Variants in SHROOM1 observed in about 807,000 individuals in gnomAD.
The protein encoded by SHROOM1 is protein Shroom1.
In SHROOM1, 53 loss-of-function variants were observed where a neutral mutation model predicts 64.2. The ratio of observed to expected loss-of-function variants is 0.83; its 90% confidence interval spans 0.66 to 1.04. The LOEUF (loss-of-function observed/expected upper bound fraction) is 1.04, where lower values mean the gene tolerates loss of function less well. Among genes scored for constraint, SHROOM1 ranks in the 50% least tolerant of loss-of-function variants. The pLI is 0.00. For synonymous variants in SHROOM1, 490 were observed against 518.9 expected (o/e 0.94, Z 0.76); for missense variants, 1,179 against 1,163.2 (o/e 1.01, Z -0.20).
In SHROOM1 at chr5:132,830,019, GA is replaced by G. The variant is rs1758801089; in HGVS notation, c.-501+574del. 3.7e-5 allele frequency: 36 copies of G among 985,278 alleles called. No homozygotes were observed. The highest frequency in any genetic ancestry group is 4.2e-5 in the Non-Finnish European group (35 of 829,914). The allele number at this position is 985,278 out of a possible 1,614,324, so 61.0% of individuals were successfully genotyped here. A position where few individuals can be genotyped will look rare whatever the true frequency, so the allele number is the denominator to read the frequency against. On this transcript the variant is annotated intron_variant, in intron 1 of 9. Coordinates refer to ENST00000378679, the MANE Select transcript of SHROOM1 (RefSeq NM_001172700.2). The surrounding 1 kb of genome is among the most constrained non-coding windows in gnomAD (Gnocchi z 5.9). ...GGAGAGGCGGCCGCGGGCGTGGACA[GA>G]CCCGGTTACCTGGGGTTCAATCTCT...
At chr5:132,829,975 G>A (rs1312432590) in intron 1 of SHROOM1, 1 of 985,488 alleles carries the variant, frequency 1.0e-6, no homozygotes, top group Non-Finnish European at 1.2e-6. Context: ...AGGAAATGCA[G>A]GAAGCTGGCG....
At chr5:132,829,592 T>TA (rs1758790916) in intron 1 of SHROOM1, 2 of 985,426 alleles carry the variant, frequency 2.0e-6, no homozygotes, top group African/African-American at 3.5e-5. Flanking sequence ...GATCAGGATT[T>TA]ACATCATACC....
In SHROOM1 at chr5:132,830,646, T is replaced by C. The variant is rs1227347701; in HGVS notation, c.-553A>G. The stretch of plus-strand genomic sequence containing the variant: ...GGGCCGTCGCAGCCGCGCGGTGACA[T>C]CAGAGCCCCGGGCTCTGACTCCGAC... On this transcript the variant is annotated 5_prime_UTR_variant, in exon 1 of 10. An upstream start codon of the reference 5' UTR is lost. Transcript: ENST00000378679. This position sits in a 1 kb window ranked among gnomAD's most constrained non-coding sequence, Gnocchi z 5.9. 1.0e-6 allele frequency: 1 copy of C among 984,430 alleles called. No individual in the cohort carries two copies. Among genetic ancestry groups the C allele is most frequent in the Non-Finnish European group, 1.2e-6 (1 of 829,796 alleles). The allele number at this position is 984,430 out of a possible 1,614,324, so 61.0% of individuals were successfully genotyped here.
Position 132,822,698 on chromosome 5 carries a change from C to G in SHROOM1, c.*98G>C. 7.3e-7 allele frequency: 1 copy of G among 1,367,636 alleles called. No homozygotes were observed. Among genetic ancestry groups the G allele is most frequent in the Non-Finnish European group, 9.8e-7 (1 of 1,016,418 alleles). The allele number at this position is 1,367,636 out of a possible 1,614,324, so 84.7% of individuals were successfully genotyped here. On this transcript the variant is annotated 3_prime_UTR_variant, in exon 10 of 10. Transcript: ENST00000378679. ...CTTAGAAAGGCCTGGACTGGGTCCT[C>G]CCCAATCCCTCAAGGGAAAAGCAGA...
Position 132,825,329 on chromosome 5 carries a change from T to C in SHROOM1, c.812A>G (p.His271Arg). ...CGTCTCGGGCAGCCATCCGACCTCG[T>C]GATCTTCAAACTTAGCCAGCGCCGG... Reference protein sequence around the residue: ...QHPALAKFEDHEVGWLPETQP... With the variant: ...QHPALAKFEDREVGWLPETQP... The change falls in exon 4 of 10, where the codon CAC becomes CGC. Residue 271 changes from histidine to arginine, a missense_variant. Transcript: ENST00000378679. This position sits in a 1 kb window ranked among gnomAD's most constrained non-coding sequence, Gnocchi z 5.1. The C allele has an allele frequency of 6.2e-7, 1 of 1,607,124 alleles. No homozygotes were observed. Among genetic ancestry groups the C allele is most frequent in the South Asian group, 1.1e-5 (1 of 90,886 alleles).
At position 132,825,270 on chromosome 5, in the gene SHROOM1, A is replaced by AGCTT. The variant is rs745337934; in HGVS notation, c.870_871insAAGC (p.Ser291LysfsTer7). ...CTGAAGGCATCACCGAGCTTCAAGG[A>AGCTT]CCCGGAGTCCAGGTTCATGGAGCCT... On this transcript the variant is annotated frameshift_variant, in exon 4 of 10. Transcript: ENST00000378679. LOFTEE classifies it high-confidence loss of function. This position sits in a 1 kb window ranked among gnomAD's most constrained non-coding sequence, Gnocchi z 5.1. 1.9e-6 allele frequency: 3 copies of AGCTT among 1,613,320 alleles called. No individual in the cohort carries two copies. Among genetic ancestry groups the AGCTT allele is most frequent in the East Asian group, 4.5e-5 (2 of 44,860 alleles).
At chr5:132,824,872 G>A in intron 5 of SHROOM1, 51 bp from the exon 6 acceptor site, 1 of 1,608,268 alleles carries the variant, frequency 6.2e-7, no homozygotes, top group Non-Finnish European at 8.5e-7. Flanking sequence ...GAAGCTCTTG[G>A]TGTTGCACCA....
chr5:132,830,431 G>A lies in SHROOM1; in HGVS notation c.-501+163C>T, dbSNP rs913769254. 2.5e-4 allele frequency: 244 copies of A among 984,828 alleles called. No homozygotes were observed. The highest frequency in any genetic ancestry group is 2.8e-4 in the Non-Finnish European group (235 of 829,786). 61.0% of individuals were successfully genotyped at this position (984,828 alleles called of 1,614,324 possible). On this transcript the variant is annotated intron_variant, in intron 1 of 9. Transcript: ENST00000378679. This position sits in a 1 kb window ranked among gnomAD's most constrained non-coding sequence, Gnocchi z 5.9. ...TCCGACTCCACTGGCGCAACCTGAC[G>A]CGGCGCCGAGCCAGACACGTCCCGG... is the stretch of plus-strand genomic sequence containing the variant.
In SHROOM1 at chr5:132,823,148, C is replaced by G. The variant is rs749883603; in HGVS notation, c.2227-20G>C. Reference sequence around the variant, plus strand: ...GGAGGCCTTGAGCCGCAGGAAGAGGCGCCGTGAGCCGGGTGAGGGCGCCGC... The same window carrying G: ...GGAGGCCTTGAGCCGCAGGAAGAGGGGCCGTGAGCCGGGTGAGGGCGCCGC... On this transcript the variant is annotated intron_variant, in intron 9 of 9. Transcript: ENST00000378679. The surrounding 1 kb of genome is among the most constrained non-coding windows in gnomAD (Gnocchi z 4.6). 6.5e-7 allele frequency: 1 copy of G among 1,541,740 alleles called. No homozygotes were observed. The highest frequency in any genetic ancestry group is 8.7e-7 in the Non-Finnish European group (1 of 1,152,576).
At position 132,822,763 on chromosome 5, in the gene SHROOM1, AG is replaced by A; in HGVS notation, c.*32del. 6.5e-7 allele frequency: 1 copy of A among 1,531,626 alleles called. No homozygotes were observed. Among genetic ancestry groups the A allele is most frequent in the Non-Finnish European group, 8.8e-7 (1 of 1,135,998 alleles). The allele number at this position is 1,531,626 out of a possible 1,614,324, so 94.9% of individuals were successfully genotyped here. On this transcript the variant is annotated 3_prime_UTR_variant, in exon 10 of 10. Coordinates refer to ENST00000378679, the MANE Select transcript of SHROOM1 (RefSeq NM_001172700.2). ...CACCCCACTTACGTGGGTGAGAGATAGGGGCGGTGCACCCCACCCTCTCCAC... is the reference window on the plus strand; with the variant it reads ...CACCCCACTTACGTGGGTGAGAGATAGGGCGGTGCACCCCACCCTCTCCAC...
Position 132,823,334 on chromosome 5 carries a change from G to C in SHROOM1, c.2142C>G (p.Gly714=). The C allele has an allele frequency of 2.5e-6, 4 of 1,605,528 alleles. No individual in the cohort carries two copies. The highest frequency in any genetic ancestry group is 3.4e-6 in the Non-Finnish European group (4 of 1,179,600). The change falls in exon 9 of 10, where the codon GGC becomes GGG. Residue 714 remains glycine, a synonymous_variant. Coordinates refer to ENST00000378679, the MANE Select transcript of SHROOM1 (RefSeq NM_001172700.2). This position sits in a 1 kb window ranked among gnomAD's most constrained non-coding sequence, Gnocchi z 4.6. Reference sequence around the variant, plus strand: ...GGCGACTGCCCAGCAGCAGCAGAAGGCCAAGCACGCGCTCTAGGTCGGCCA... The same window carrying C: ...GGCGACTGCCCAGCAGCAGCAGAAGCCCAAGCACGCGCTCTAGGTCGGCCA... ...RFMADLERVL[G]LLLLLGSRLA...
Position 132,823,023 on chromosome 5 carries a change from C to T in SHROOM1, c.2332G>A (p.Val778Met). The T allele has an allele frequency of 2.5e-6, 4 of 1,601,970 alleles. No homozygotes were observed. Among genetic ancestry groups the T allele is most frequent in the Non-Finnish European group, 3.4e-6 (4 of 1,179,450 alleles). ...AGCTCCTCCACCGGTAGTGCTCGCA[C>T]CAGCACCTCCCGCACGGCCCGCTCG... ...RRERAVREVL[V>M]RALPVEELRV... Residue 778 changes from valine (V) to methionine (M), a missense_variant, in exon 10 of 10, where the codon GTG (valine) becomes ATG (methionine). Physicochemically the swap from Val to Met is conservative, Grantham distance 21. Transcript: ENST00000378679. This position sits in a 1 kb window ranked among gnomAD's most constrained non-coding sequence, Gnocchi z 4.6.
At position 132,825,287 on chromosome 5, in the gene SHROOM1, A is replaced by G. The variant is rs755362499; in HGVS notation, c.854T>C (p.Met285Thr). ...CTTCAAGGACCCGGAGTCCAGGTTC[A>G]TGGAGCCTTGGGGTTGCGTCTCGGG... ...WLPETQPQGS[M>T]NLDSGSLKLG... Residue 285 changes from methionine (M) to threonine (T), a missense_variant, in exon 4 of 10, where the codon ATG becomes ACG. Transcript: ENST00000378679. This position sits in a 1 kb window ranked among gnomAD's most constrained non-coding sequence, Gnocchi z 5.1. The G allele has an allele frequency of 5.6e-6, 9 of 1,613,334 alleles. No individual in the cohort carries two copies. Among genetic ancestry groups the G allele is most frequent in the Non-Finnish European group, 7.6e-6 (9 of 1,179,922 alleles).
Position 132,825,195 on chromosome 5 carries a change from C to T in SHROOM1, c.946G>A (p.Gly316Arg). The T allele has an allele frequency of 6.2e-7, 1 of 1,614,154 alleles. No individual in the cohort carries two copies. Among genetic ancestry groups the T allele is most frequent in the African/African-American group, 1.3e-5 (1 of 75,060 alleles). ...SASGEVLGSW[G>R]GSGGTIPIVQ... ...ATGGGTATGGTCCCTCCTGATCCTCCCCAGGAACCCAAGACTTCGCCTGAA... is the reference window on the plus strand; with the variant it reads ...ATGGGTATGGTCCCTCCTGATCCTCTCCAGGAACCCAAGACTTCGCCTGAA... Residue 316 changes from glycine to arginine, a missense_variant, in exon 4 of 10, where the codon GGA becomes AGA. Gly to Arg is a moderately radical substitution (Grantham distance 125). Coordinates refer to ENST00000378679, the MANE Select transcript of SHROOM1 (RefSeq NM_001172700.2). This position sits in a 1 kb window ranked among gnomAD's most constrained non-coding sequence, Gnocchi z 5.1.
rs1758522833 is a variant in SHROOM1, at chr5:132,823,383, TC to T, written c.2092del (p.Glu698SerfsTer12). ...CATGAACCGGCTGAACCGCTCCAGC[TC>T]CTGAGGGGCACAGGCCTGGCGCACT... ...AAVRQACAPQ[E>X]LERFSRFMAD... is the part of the protein sequence containing the mutation. On this transcript the variant is annotated frameshift_variant, in exon 9 of 10. Transcript: ENST00000378679. LOFTEE classifies it high-confidence loss of function. The surrounding 1 kb of genome is among the most constrained non-coding windows in gnomAD (Gnocchi z 4.6). 1 of 1,609,748 alleles carries T rather than the reference TC, an allele frequency of 6.2e-7. No homozygotes were observed. Among genetic ancestry groups the T allele is most frequent in the Non-Finnish European group, 8.5e-7 (1 of 1,179,746 alleles).
chr5:132,827,547 CG>C lies in SHROOM1; in HGVS notation c.-441del, dbSNP rs1397175940. The C allele has an allele frequency of 3.3e-5, 5 of 152,374 alleles. No homozygotes were observed. The highest frequency in any genetic ancestry group is 4.8e-5 in the African/African-American group (2 of 41,430). The allele number at this position is 152,374 out of a possible 1,614,324, so 9.4% of individuals were successfully genotyped here. A position where few individuals can be genotyped will look rare whatever the true frequency, so the allele number is the denominator to read the frequency against. On this transcript the variant is annotated 5_prime_UTR_variant, in exon 2 of 10. An upstream open reading frame in the 5' UTR loses its in-frame stop. Coordinates refer to ENST00000378679, the MANE Select transcript of SHROOM1 (RefSeq NM_001172700.2). ...AGAAGAATCGCTTGAACCCGGGAGG[CG>C]GAAGTTGTAGTGAGCCGAGATCGCG... is the stretch of plus-strand genomic sequence containing the variant.
In SHROOM1 at chr5:132,825,524, GGCGCGGGAGCCCGGGAGC is replaced by G; in HGVS notation, c.599_616del (p.Arg200_Ala205del). 2.0e-6 allele frequency: 3 copies of G among 1,468,640 alleles called. No homozygotes were observed. Among genetic ancestry groups the G allele is most frequent in the Non-Finnish European group, 2.7e-6 (3 of 1,118,060 alleles). 91.0% of individuals were successfully genotyped at this position (1,468,640 alleles called of 1,614,324 possible). On this transcript the variant is annotated inframe_deletion, in exon 4 of 10. Transcript: ENST00000378679. This position sits in a 1 kb window ranked among gnomAD's most constrained non-coding sequence, Gnocchi z 5.1. ...GAGGGGACCCCGGCCGGCAGTTCCT[GGCGCGGGAGCCCGGGAGC>G]GCGCCGGCTCCCCCTCCCCGCCCGG... is the stretch of plus-strand genomic sequence containing the variant.
rs1400653079 is a variant in SHROOM1 at position 132,823,739 on chromosome 5, G to A, written c.1837C>T (p.Leu613Phe). Reference sequence around the variant, plus strand: ...GTCTCCTCCCGAGGAGCCGGCAGGAGCTGGGTGAAGCTGAACTGATAGGAC... The same window carrying A: ...GTCTCCTCCCGAGGAGCCGGCAGGAACTGGGTGAAGCTGAACTGATAGGAC... ...PGSYQFSFTQ[L>F]LPAPREETRL... Residue 613 changes from leucine to phenylalanine, a missense_variant, in exon 8 of 10, where the codon CTC becomes TTC. Physicochemically the swap from Leu to Phe is conservative, Grantham distance 22. Transcript: ENST00000378679. The surrounding 1 kb of genome is among the most constrained non-coding windows in gnomAD (Gnocchi z 4.6). 1 of 1,599,844 alleles carries A rather than the reference G, an allele frequency of 6.3e-7. No homozygotes were observed. Among genetic ancestry groups the A allele is most frequent in the Non-Finnish European group, 8.5e-7 (1 of 1,173,708 alleles).
At chr5:132,829,097 G>A (rs896379493) in intron 1 of SHROOM1, among the ~76,000 whole-genome samples, 3 of 152,256 alleles carry the variant, frequency 2.0e-5, no homozygotes, top group African/African-American at 7.2e-5. Flanking sequence ...AAGGAGCTCT[G>A]CAGGCATTTT....
Sources: allele counts gnomAD v4.1 joint callset (sites outside exome capture counted in the v4.1 genomes callset), GRCh38; gene constraint gnomAD v4.1.1; non-coding constraint Gnocchi (gnomAD v3.1); transcripts MANE v1.5; gene names NCBI Gene and HGNC (gene_info 2026-07-23, HGNC 2026-07-21).